The following IMPG1 variants were observed in gnomAD, a reference collection of about 807,000 sequenced individuals.
IMPG1 encodes the protein interphotoreceptor matrix proteoglycan of 150 kDa.
In IMPG1, 85 loss-of-function variants were observed where a neutral mutation model predicts 92.0. The ratio of observed to expected loss-of-function variants is 0.92; its 90% CI spans 0.78 to 1.11. The LOEUF is 1.11. IMPG1 is among the 50% of genes least tolerant of loss of function. The pLI is 0.00. For synonymous variants in IMPG1, 367 were observed against 334.1 expected (o/e 1.10, Z -1.08); for missense variants, 1,022 against 956.0 (o/e 1.07, Z -0.91).
At chr6:76,030,521 G>A (rs1324063162) in intron 4 of IMPG1, among the ~76,000 whole-genome samples, 1 of 151,822 alleles carries the variant, frequency 6.6e-6, no homozygotes, top group Non-Finnish European at 1.5e-5. Context: ...TAGGTAATAC[G>A]CTCCCCTGAG....
intron 15 of IMPG1, among the ~76,000 whole-genome samples, chr6:75,927,353 T>A (rs894994159): frequency 8.5e-5 from 13 of 152,204 alleles, no homozygotes; most frequent in African/African-American, 3.1e-4. Context: ...GGTCTAACTT[T>A]AAAACCTCTA....
rs751929839 is a variant in IMPG1 at position 75,947,314 on chromosome 6, C to T, written c.2044G>A (p.Ala682Thr). 1 of 1,610,442 alleles carries T rather than the reference C, an allele frequency of 6.2e-7. No homozygotes were observed. Among genetic ancestry groups the T allele is most frequent in the Non-Finnish European group, 8.5e-7 (1 of 1,176,964 alleles). ...IDSYSLNIEP[A>T]DQADPCKFLA... ...CACTTTCTGGGTTGGATTCTTTTAC[C>T]TGGTTCAATGTTGAGAGAGTAGCTG... Residue 682 changes from alanine to threonine, a missense_variant and splice_region_variant, in exon 14 of 17, where the codon GCT becomes ACT. Physicochemically the swap from Ala to Thr is moderately conservative, Grantham distance 58 (BLOSUM62 0). Coordinates refer to ENST00000369950, the MANE Select transcript of IMPG1 (RefSeq NM_001563.4).
intron 12 of IMPG1, among the ~76,000 whole-genome samples, chr6:75,966,405 T>G (rs1172056651): frequency 6.6e-6 from 1 of 152,198 alleles, no homozygotes; most frequent in Non-Finnish European, 1.5e-5. Flanking sequence ...ATGAATGAAT[T>G]AATGCCATGA....
rs1241705989 is a variant in IMPG1 at position 75,974,456 on chromosome 6, C to CTTCT, written c.1292-23366_1292-23363dup. Among the ~76,000 whole-genome samples the CTTCT allele has an allele frequency of 6.8e-5, 9 of 132,556 alleles. 1 individual carries two copies. Among genetic ancestry groups the CTTCT allele is most frequent in the South Asian group, 2.4e-4 (1 of 4,196 alleles). 87.0% of individuals were successfully genotyped at this position (132,556 alleles called of 152,430 possible). On this transcript the variant is annotated intron_variant, in intron 12 of 16. Transcript: ENST00000369950. ...TCCTTCCTTCCTTCCTTCCTTCTTTCTTCTTTCTTTCTTTCTTTTTCTTTT... is the reference window on the plus strand; with the variant it reads ...TCCTTCCTTCCTTCCTTCCTTCTTTCTTCTTTCTTTCTTTCTTTCTTTTTCTTTT...
chr6:75,992,624 C>T (rs1782829989), intron 12 of IMPG1, among the ~76,000 whole-genome samples: 1 of 152,162 alleles, frequency 6.6e-6, no homozygotes. Context: ...AAGCTGTAGG[C>T]AGACAAACTT....
chr6:75,950,231 C>A (rs554616281), intron 13 of IMPG1, among the ~76,000 whole-genome samples: 1 of 152,216 alleles, frequency 6.6e-6, no homozygotes, highest in African/African-American at 2.4e-5. Flanking sequence ...AATGTTCACT[C>A]TATTTTTAGA....
chr6:76,042,967 C>A (rs960798104), intron 1 of IMPG1, among the ~76,000 whole-genome samples: 1 of 152,138 alleles, frequency 6.6e-6, no homozygotes. Flanking sequence ...TGAAACATAT[C>A]ATTTTTCTCA....
chr6:75,926,877 A>G (rs150775105), intron 15 of IMPG1, among the ~76,000 whole-genome samples: 175 of 152,342 alleles, frequency 1.1e-3, no homozygotes, highest in Non-Finnish European at 2.1e-3. Context: ...GTGAAAATGT[A>G]ATGAGAAACA....
At chr6:76,060,965 AT>A (rs1398632785) in intron 1 of IMPG1, among the ~76,000 whole-genome samples, 1 of 152,198 alleles carries the variant, frequency 6.6e-6, no homozygotes. Context: ...AAACAATAAA[AT>A]ATATGAAAAT....
chr6:76,009,202 A>G (rs1237198777), intron 8 of IMPG1, among the ~76,000 whole-genome samples: 3 of 152,214 alleles, frequency 2.0e-5, no homozygotes, highest in Non-Finnish European at 4.4e-5. Flanking sequence ...TATACCCTCC[A>G]ACAAGACTGC....
chr6:76,071,924 A>G (rs1350322077), intron 1 of IMPG1, among the ~76,000 whole-genome samples: 3 of 152,104 alleles, frequency 2.0e-5, no homozygotes, highest in Non-Finnish European at 4.4e-5. Flanking sequence ...CAAATTTTGA[A>G]GTGGTTGTCA....
intron 4 of IMPG1, among the ~76,000 whole-genome samples, chr6:76,032,341 T>C (rs1783666391): frequency 6.6e-6 from 1 of 152,226 alleles, no homozygotes; most frequent in Non-Finnish European, 1.5e-5. Context: ...CAGTAAAGTA[T>C]TATCCTATAT....
intron 7 of IMPG1, among the ~76,000 whole-genome samples, chr6:76,012,352 C>A (rs1042082387): frequency 3.3e-4 from 50 of 152,238 alleles, no homozygotes; most frequent in African/African-American, 1.1e-3. Context: ...TCTTCTTCCA[C>A]CTCTCTGACC....
chr6:75,950,298 G>T (rs1782001116), intron 13 of IMPG1, among the ~76,000 whole-genome samples: 1 of 152,170 alleles, frequency 6.6e-6, no homozygotes. Flanking sequence ...AAGTTAGGGA[G>T]AATTATAATG....
chr6:76,028,479 T>C (rs1783591735), intron 4 of IMPG1, among the ~76,000 whole-genome samples: 1 of 152,244 alleles, frequency 6.6e-6, no homozygotes, highest in Non-Finnish European at 1.5e-5. Context: ...GGAATACTGC[T>C]GATCCTTGTT....
chr6:75,967,226 A>G (rs1213200314), intron 12 of IMPG1, among the ~76,000 whole-genome samples: 1 of 152,198 alleles, frequency 6.6e-6, no homozygotes, highest in Non-Finnish European at 1.5e-5. Context: ...GAAATGATTC[A>G]AAATGGAATT....
chr6:75,945,542 G>T (rs1288146313), intron 14 of IMPG1, among the ~76,000 whole-genome samples: 1 of 151,860 alleles, frequency 6.6e-6, no homozygotes, highest in African/African-American at 2.4e-5. Flanking sequence ...GTAGAGACAG[G>T]GTTTTGCCAT....
chr6:76,013,562 G>A (rs566717070), intron 7 of IMPG1, among the ~76,000 whole-genome samples: 3 of 152,074 alleles, frequency 2.0e-5, no homozygotes, highest in South Asian at 2.1e-4. Flanking sequence ...CTACTCTAGA[G>A]TTTATTGCAG....
At chr6:76,022,246 AC>A in intron 5 of IMPG1, 27 bp from the exon 6 acceptor site, 1 of 1,328,736 alleles carries the variant, frequency 7.5e-7, no homozygotes, top group Non-Finnish European at 1.1e-6. Flanking sequence ...AATTAAAGAC[AC>A]AAAAATGAGA....
Sources: gnomAD v4.1 joint callset for allele counts (sites outside exome capture counted in the v4.1 genomes callset) on GRCh38, gnomAD v4.1.1 for gene constraint, MANE v1.5 for transcripts, NCBI Gene and HGNC (gene_info 2026-07-23, HGNC 2026-07-21) for gene names.